The following UTP20 variants were observed in gnomAD, a reference collection of about 807,000 sequenced individuals.
UTP20 encodes the protein UTP20 small subunit processome component.
Under a neutral mutation model 329.5 loss-of-function variants are expected in UTP20, and 164 were observed. The ratio of observed to expected loss-of-function variants is 0.50; its 90% CI spans 0.44 to 0.57. UTP20 has a LOEUF of 0.57. Among genes scored for constraint, UTP20 ranks in the 20% least tolerant of loss-of-function variants. The pLI is 0.00. For missense variants in UTP20, 3,055 were observed against 3,284.2 expected, an observed-to-expected ratio of 0.93 and a Z score of 1.71; for synonymous variants, 1,151 against 1,159.3, an observed-to-expected ratio of 0.99 and a Z score of 0.14.
chr12:101,309,947 G>A (rs1872734922), intron 19 of UTP20, 108 bp downstream of exon 19: 2 of 918,508 alleles, frequency 2.2e-6, no homozygotes, highest in Admixed American at 2.2e-5. Flanking sequence ...GGGTGTATAT[G>A]GTATTTACAG....
At position 101,356,769 on chromosome 12, in the gene UTP20, T is replaced by G; in HGVS notation, c.5534+76T>G. ...TTTCTTCCTTACTTTTGAGTCTCTTTTGTCAGGAAGAGGAAAAAGTACTGT... is the reference window on the plus strand; with the variant it reads ...TTTCTTCCTTACTTTTGAGTCTCTTGTGTCAGGAAGAGGAAAAAGTACTGT... On this transcript the variant is annotated intron_variant, in intron 42 of 61. Coordinates refer to ENST00000261637, the MANE Select transcript of UTP20 (RefSeq NM_014503.3). 12 of 1,536,684 alleles carry G rather than the reference T, an allele frequency of 7.8e-6. 1 individual carries two copies. The South Asian group carries it at 1.5e-4, about 19-fold the overall frequency.
intron 3 of UTP20, 54 bp from the exon 4 acceptor site, chr12:101,285,695 A>G (rs1356188471): frequency 1.2e-6 from 2 of 1,613,246 alleles, no homozygotes; most frequent in Non-Finnish European, 1.7e-6. Flanking sequence ...TATGTTCCAT[A>G]CAGCTGAATA....
At chr12:101,281,737 G>A (rs1347957557) in intron 2 of UTP20, among the ~76,000 whole-genome samples, 2 of 151,664 alleles carry the variant, frequency 1.3e-5, no homozygotes, top group African/African-American at 4.9e-5. Flanking sequence ...ATGGAGTCTC[G>A]CTCCGTCTCC....
At chr12:101,361,586 A>ATT (rs910688473) in intron 43 of UTP20, among the ~76,000 whole-genome samples, 9 of 152,000 alleles carry the variant, frequency 5.9e-5, no homozygotes, top group African/African-American at 2.2e-4. Context: ...AGATCGCACC[A>ATT]TTGCACTCCA....
intron 8 of UTP20, 108 bp downstream of exon 8, chr12:101,290,996 T>TTATTTA: frequency 1.7e-6 from 2 of 1,204,154 alleles, no homozygotes; most frequent in Non-Finnish European, 1.1e-6. Flanking sequence ...TATAATTGTT[T>TTATTTA]TATTTATACT....
rs2137233675 is a variant in UTP20, at chr12:101,290,757, C to G, written c.760C>G (p.Leu254Val). The G allele has an allele frequency of 6.2e-7, 1 of 1,611,798 alleles. No homozygotes were observed. ...GQAVKLILRK[L>V]GPVTETETQL... ...GGCAGTGAAGCTAATTTTGCGAAAG[C>G]TAGGACCAGTCACTGAAACAGAAAC... The change falls in exon 8 of 62, where the codon CTA becomes GTA. Residue 254 changes from leucine (L) to valine (V), a missense_variant. Around this residue, in one of 3 missense-constraint regions of UTP20, gnomAD observed 2,445 missense variants for 2,575.5 expected, o/e 0.95. Coordinates refer to ENST00000261637, the MANE Select transcript of UTP20 (RefSeq NM_014503.3).
At chr12:101,317,827 GT>G (rs1390437824) in intron 22 of UTP20, among the ~76,000 whole-genome samples, 164 bp downstream of exon 22, 6 of 152,136 alleles carry the variant, frequency 3.9e-5, no homozygotes, top group Non-Finnish European at 7.4e-5. Context: ...AGGCTTCCAA[GT>G]TTTTTGGTTG....
intron 48 of UTP20, 149 bp downstream of exon 48, chr12:101,368,125 G>GTT: frequency 1.7e-6 from 1 of 596,700 alleles, no homozygotes; most frequent in East Asian, 2.8e-5. Context: ...GGGGTTTTTG[G>GTT]GTTTTTTTTT....
chr12:101,327,454 C>A (rs988904403), intron 26 of UTP20, among the ~76,000 whole-genome samples: 1 of 152,116 alleles, frequency 6.6e-6, no homozygotes, highest in Non-Finnish European at 1.5e-5. Flanking sequence ...ATTATCGGCA[C>A]CCTTGTGTTA....
At position 101,342,578 on chromosome 12, in the gene UTP20, A is replaced by G. The variant is rs1869175863; in HGVS notation, c.4234A>G (p.Thr1412Ala). 7 of 1,611,804 alleles carry G rather than the reference A, an allele frequency of 4.3e-6. No individual in the cohort carries two copies. The highest frequency in any genetic ancestry group is 5.9e-6 in the Non-Finnish European group (7 of 1,179,332). The change falls in exon 33 of 62, where the codon ACG (threonine) becomes GCG (alanine). Residue 1412 changes from threonine (T) to alanine (A), a missense_variant. By Grantham distance (58) the Thr-to-Ala change is moderately conservative. Around this residue, in one of 3 missense-constraint regions of UTP20, gnomAD observed 2,445 missense variants for 2,575.5 expected, o/e 0.95. Transcript: ENST00000261637. ...CAAATTGTCAAGAAAATTGCTTTGT[A>G]CGGTTTTTGAGGTCTGTACTATTCA... ...KNKLSRKLLC[T>A]VFETLSDFES...
At chr12:101,287,193 G>A (rs1269727073) in intron 5 of UTP20, among the ~76,000 whole-genome samples, 1 of 152,176 alleles carries the variant, frequency 6.6e-6, no homozygotes, top group African/African-American at 2.4e-5. Context: ...TGTATGCATG[G>A]TATGGGACAA....
At position 101,319,556 on chromosome 12, in the gene UTP20, C is replaced by T. The variant is rs140037353; in HGVS notation, c.2750C>T (p.Ala917Val). ...TTGTTTTTGTTTAGGCAATTAATTG[C>T]TCATTTGCAAGTTTTCTCTAAATTT... Reference protein sequence around the residue: ...TRRAAAKQLIAHLQVFSKFSN... With the variant: ...TRRAAAKQLIVHLQVFSKFSN... Residue 917 changes from alanine (A) to valine (V), a missense_variant, in exon 23 of 62, where the codon GCT (alanine) becomes GTT (valine). Around this residue, in one of 3 missense-constraint regions of UTP20, gnomAD observed 2,445 missense variants for 2,575.5 expected, o/e 0.95. Transcript: ENST00000261637. The T allele has an allele frequency of 1.2e-4, 200 of 1,604,332 alleles. No homozygotes were observed. The highest frequency in any genetic ancestry group is 1.6e-4 in the Non-Finnish European group (183 of 1,178,324).
chr12:101,313,638 G>A (rs1209928303), intron 21 of UTP20, among the ~76,000 whole-genome samples: 1 of 151,894 alleles, frequency 6.6e-6, no homozygotes, highest in Non-Finnish European at 1.5e-5. Flanking sequence ...ATTTCAATTC[G>A]ATAAGATAAC....
chr12:101,302,485 A>G lies in UTP20; in HGVS notation c.1713A>G (p.Leu571=), dbSNP rs369557175. 36 of 1,610,638 alleles carry G rather than the reference A, an allele frequency of 2.2e-5. No individual in the cohort carries two copies. The highest frequency in any genetic ancestry group is 1.6e-4 in the East Asian group (7 of 44,770). ...TTCTTTGTCAAGCTGTAAATACTCT[A>G]CTAAGTTTGGAAGAATCTTCTGAAC... ...LFVLCQAVNT[L]LSLEESSELL... The change falls in exon 15 of 62, where the codon CTA becomes CTG. Residue 571 remains leucine, a synonymous_variant. Coordinates refer to ENST00000261637, the MANE Select transcript of UTP20 (RefSeq NM_014503.3).
At chr12:101,321,997 A>AT (rs926196121) in intron 25 of UTP20, among the ~76,000 whole-genome samples, 22 of 148,138 alleles carry the variant, frequency 1.5e-4, no homozygotes, top group South Asian at 4.3e-4. Flanking sequence ...ATCTTTATTT[A>AT]TTTTTTTTTT....
Position 101,343,107 on chromosome 12 carries a change from G to T in UTP20, c.4449+14G>T. On this transcript the variant is annotated intron_variant, in intron 35 of 61. Coordinates refer to ENST00000261637, the MANE Select transcript of UTP20 (RefSeq NM_014503.3). Reference sequence around the variant, plus strand: ...TATAATCTAGAGGTAGGTTATTATAGCAAAATTTTTAAATTATTTTTTATT... The same window carrying T: ...TATAATCTAGAGGTAGGTTATTATATCAAAATTTTTAAATTATTTTTTATT... 1 of 1,556,428 alleles carries T rather than the reference G, an allele frequency of 6.4e-7. No individual in the cohort carries two copies. The highest frequency in any genetic ancestry group is 1.2e-5 in the South Asian group (1 of 83,452).
At chr12:101,373,333 T>C in intron 52 of UTP20, 68 bp from the exon 53 acceptor site, 1 of 1,444,606 alleles carries the variant, frequency 6.9e-7, no homozygotes, top group South Asian at 1.2e-5. Flanking sequence ...TACAATATTT[T>C]CATTTTTTAA....
chr12:101,285,646 A>G lies in UTP20; in HGVS notation c.193+10A>G. On this transcript the variant is annotated intron_variant, in intron 3 of 61. Coordinates refer to ENST00000261637, the MANE Select transcript of UTP20 (RefSeq NM_014503.3). ...CTCACAGAACACTTCGGTATTTTCTATTTCGTTTCTATTTTATTCACCCAT... is the reference window on the plus strand; with the variant it reads ...CTCACAGAACACTTCGGTATTTTCTGTTTCGTTTCTATTTTATTCACCCAT... 3.1e-6 allele frequency: 5 copies of G among 1,613,748 alleles called. No homozygotes were observed. Among genetic ancestry groups the G allele is most frequent in the Non-Finnish European group, 4.2e-6 (5 of 1,179,804 alleles).
At chr12:101,312,375 CCTT>C in intron 21 of UTP20, 99 bp downstream of exon 21, 1 of 1,478,804 alleles carries the variant, frequency 6.8e-7, no homozygotes, top group Non-Finnish European at 9.0e-7. Flanking sequence ...TTGTTTTTTG[CCTT>C]CTTTCTTTCT....
Sources: gnomAD v4.1 joint callset for allele counts (sites outside exome capture counted in the v4.1 genomes callset) on GRCh38, gnomAD v4.1.1 for gene constraint, gnomAD v4.1.1 regional missense constraint, MANE v1.5 for transcripts, NCBI Gene and HGNC (gene_info 2026-07-23, HGNC 2026-07-21) for gene names.